AVEN: variants seen among roughly 807,000 people sequenced by gnomAD.
AVEN encodes the protein apoptosis and caspase activation inhibitor.
Under a neutral mutation model 38.1 loss-of-function variants are expected in AVEN, and 41 were observed. That is an observed-to-expected ratio of 1.08 (90% CI 0.84 to 1.40). AVEN has a LOEUF of 1.40. Ranked by LOEUF, AVEN falls within the 40% of genes most tolerant of loss-of-function variation. The pLI, the probability that AVEN is intolerant of heterozygous loss-of-function variation, is 0.00. For synonymous variants in AVEN, 206 were observed against 171.8 expected (o/e 1.20, Z -1.56); for missense variants, 605 against 438.8 (o/e 1.38, Z -3.38).
intron 1 of AVEN, among the ~76,000 whole-genome samples, chr15:34,032,661 G>A (rs1387102746): frequency 6.6e-6 from 1 of 152,186 alleles, no homozygotes; most frequent in Non-Finnish European, 1.5e-5. Flanking sequence ...TATATGAGCA[G>A]TATGTTTTTC....
chr15:33,875,125 G>A (rs1891164966), intron 3 of AVEN, among the ~76,000 whole-genome samples: 1 of 152,110 alleles, frequency 6.6e-6, no homozygotes. Flanking sequence ...GATCAAACGA[G>A]CCACCCACAG....
chr15:33,899,920 C>G (rs559651336), intron 2 of AVEN, among the ~76,000 whole-genome samples: 1 of 150,386 alleles, frequency 6.6e-6, no homozygotes, highest in South Asian at 2.1e-4. Flanking sequence ...GCTAAGGATC[C>G]TCAAATCACA....
intron 2 of AVEN, among the ~76,000 whole-genome samples, chr15:33,998,907 G>A (rs1345980841): frequency 1.3e-5 from 2 of 152,102 alleles, no homozygotes; most frequent in Admixed American, 6.5e-5. Context: ...ACATTCTCAC[G>A]ACTTTAAATA....
chr15:33,873,089 CTTTTCTTTTTT>C (rs1369776802), intron 3 of AVEN, among the ~76,000 whole-genome samples: 55 of 138,168 alleles, frequency 4.0e-4, no homozygotes, highest in African/African-American at 1.3e-3. Context: ...TCTACTTTTC[CTTTTCTTTTTT>C]TTTTTTTTTT....
intron 2 of AVEN, among the ~76,000 whole-genome samples, chr15:33,909,051 C>G (rs1233577795): frequency 1.3e-5 from 2 of 152,176 alleles, no homozygotes; most frequent in Non-Finnish European, 2.9e-5. Flanking sequence ...CTCTGAGCTG[C>G]CTGCCTGGGC....
downstream of AVEN, chr15:33,864,282 GC>G: frequency 1.0e-6 from 1 of 965,246 alleles, no homozygotes; most frequent in Non-Finnish European, 1.6e-6. Context: ...TACATACATG[GC>G]CCCATTAATC....
At chr15:33,994,204 C>T (rs1009852071) in intron 2 of AVEN, among the ~76,000 whole-genome samples, 3 of 152,162 alleles carry the variant, frequency 2.0e-5, no homozygotes, top group African/African-American at 7.2e-5. Context: ...AGTGCCTGAG[C>T]GCCACCTCCT....
intron 3 of AVEN, among the ~76,000 whole-genome samples, chr15:33,874,002 G>A (rs1028179951): frequency 6.6e-6 from 1 of 151,870 alleles, no homozygotes; most frequent in Admixed American, 6.6e-5. Flanking sequence ...CTCCTAATCG[G>A]TTTCCCTGCC....
chr15:33,943,440 T>C (rs1212695646), intron 2 of AVEN, among the ~76,000 whole-genome samples: 2 of 151,754 alleles, frequency 1.3e-5, no homozygotes, highest in East Asian at 1.9e-4. Flanking sequence ...ATGAAGGCTG[T>C]CAGGGGCTGG....
At chr15:33,854,451 T>TA (rs1597046786), downstream of AVEN, 1 of 1,568,374 alleles carries the variant, frequency 6.4e-7, no homozygotes, top group Non-Finnish European at 8.7e-7. Flanking sequence ...ACTGACAACG[T>TA]AAGTACTGCA....
chr15:33,957,849 T>A (rs1895015162), intron 2 of AVEN, among the ~76,000 whole-genome samples: 1 of 151,788 alleles, frequency 6.6e-6, no homozygotes, highest in Non-Finnish European at 1.5e-5. Context: ...GCAAAAAGGG[T>A]GAAGAGGGCC....
At chr15:33,855,504 G>A (rs1434590699), downstream of AVEN, among the ~76,000 whole-genome samples, 2 of 152,080 alleles carry the variant, frequency 1.3e-5, no homozygotes, top group South Asian at 2.1e-4. Context: ...GTGCCCGGCC[G>A]GAGATCTTTT....
At chr15:34,008,969 C>CAT (rs1392595827) in intron 1 of AVEN, among the ~76,000 whole-genome samples, 5 of 151,456 alleles carry the variant, frequency 3.3e-5, no homozygotes, top group African/African-American at 1.2e-4. Flanking sequence ...CACACACACA[C>CAT]ACACACAGAC....
At chr15:33,898,323 C>T (rs114869017) in intron 2 of AVEN, among the ~76,000 whole-genome samples, 104 of 152,310 alleles carry the variant, frequency 6.8e-4, no homozygotes, top group African/African-American at 2.4e-3. Context: ...ACACTATATG[C>T]GTTTCCTAGG....
chr15:34,040,452 A>C (rs1385779081), upstream of AVEN, among the ~76,000 whole-genome samples: 1 of 152,194 alleles, frequency 6.6e-6, no homozygotes, highest in Non-Finnish European at 1.5e-5. Flanking sequence ...AAGGATTGTC[A>C]ACTCCAGAGA....
chr15:34,025,712 GAA>G (rs200928981), intron 1 of AVEN, among the ~76,000 whole-genome samples: 5 of 151,826 alleles, frequency 3.3e-5, no homozygotes, highest in East Asian at 3.9e-4. Context: ...AGGTTCAGAA[GAA>G]AAAAAAATTG....
At chr15:33,957,802 T>G (rs1047037499) in intron 2 of AVEN, among the ~76,000 whole-genome samples, 8 of 151,562 alleles carry the variant, frequency 5.3e-5, no homozygotes. Flanking sequence ...CTAATCACAG[T>G]GCTAGAAATC....
chr15:33,994,756 A>G (rs970210126), intron 2 of AVEN, among the ~76,000 whole-genome samples: 1 of 152,202 alleles, frequency 6.6e-6, no homozygotes, highest in Non-Finnish European at 1.5e-5. Context: ...CTTAGAGAAT[A>G]TATGTTAAGC....
intron 2 of AVEN, among the ~76,000 whole-genome samples, chr15:34,000,999 G>C (rs868575532): frequency 1.3e-5 from 2 of 151,458 alleles, no homozygotes. Context: ...CAGAGGACAG[G>C]CCTGCTAGGT....
Sources: allele counts gnomAD v4.1 joint callset (sites outside exome capture counted in the v4.1 genomes callset), GRCh38; gene constraint gnomAD v4.1.1; transcripts MANE v1.5; gene names NCBI Gene and HGNC (gene_info 2026-07-23, HGNC 2026-07-21).